Variants in CBFA2T2 observed in about 807,000 individuals in gnomAD.
CBFA2T2 encodes protein CBFA2T2.
A neutral mutation model predicts 62.2 loss-of-function variants in CBFA2T2; 11 were observed. The ratio of observed to expected loss-of-function variants is 0.18; its 90% confidence interval spans 0.11 to 0.29. The LOEUF (loss-of-function observed/expected upper bound fraction) is 0.29. Ranked by LOEUF, CBFA2T2 falls within the 10% of genes least tolerant of loss-of-function variation. CBFA2T2 has a pLI of 1.00. For synonymous variants in CBFA2T2, 295 were observed against 287.5 expected, an observed-to-expected ratio of 1.03 and a Z score of -0.27; for missense variants, 592 against 774.1, an observed-to-expected ratio of 0.76 and a Z score of 2.79.
chr20:33,623,784 A>G, intron 5 of CBFA2T2: 2 of 714,352 alleles, frequency 2.8e-6, no homozygotes, highest in Non-Finnish European at 5.2e-6. Flanking sequence ...TGCATAATAC[A>G]TCTAAAATCT....
intron 1 of CBFA2T2, among the ~76,000 whole-genome samples, chr20:33,543,302 G>A (rs960214264): frequency 6.6e-6 from 1 of 152,098 alleles, no homozygotes; most frequent in African/African-American, 2.4e-5. Flanking sequence ...GAGCCACCGT[G>A]CCCGGCGAAA....
rs758937155 is a variant in CBFA2T2 at position 33,640,471 on chromosome 20, C to G, written c.1428C>G (p.Val476=). 1 of 1,614,248 alleles carries G rather than the reference C, an allele frequency of 6.2e-7. No homozygotes were observed. Among genetic ancestry groups the G allele is most frequent in the South Asian group, 1.1e-5 (1 of 91,086 alleles). The part of the protein sequence containing the change: ...RARMEQTIAD[V]KRQAAEDAFL... ...GAATGGAGCAAACCATAGCGGATGT[C>G]AAGCGGCAGGCCGCAGAGGATGCTT... Residue 476 remains valine, a synonymous_variant, in exon 10 of 11, where the codon GTC becomes GTG. Coordinates refer to ENST00000342704, the MANE Select transcript of CBFA2T2 (RefSeq NM_001032999.3).
At chr20:33,599,708 A>G (rs2015039603) in intron 1 of CBFA2T2, among the ~76,000 whole-genome samples, 1 of 151,582 alleles carries the variant, frequency 6.6e-6, no homozygotes, top group African/African-American at 2.4e-5. Flanking sequence ...TCTGCCAGCC[A>G]TAGCCTCCTG....
In CBFA2T2 at chr20:33,629,773, C is replaced by G; in HGVS notation, c.1087C>G (p.Leu363Val). 6.2e-7 allele frequency: 1 copy of G among 1,614,132 alleles called. No homozygotes were observed. The highest frequency in any genetic ancestry group is 8.5e-7 in the Non-Finnish European group (1 of 1,180,030). Residue 363 changes from leucine to valine, a missense_variant, in exon 8 of 11, where the codon CTG becomes GTG. Leu to Val is a conservative substitution (Grantham distance 32). This residue lies in a region of CBFA2T2 where 449 missense variants were observed against 551.2 expected (regional missense o/e 0.81). Coordinates refer to ENST00000342704, the MANE Select transcript of CBFA2T2 (RefSeq NM_001032999.3). ...GAAAACAAGGCGCTCTATGGCAGTTCTGCGGCGCTGTCAGGAATCAGATCG... is the reference window on the plus strand; with the variant it reads ...GAAAACAAGGCGCTCTATGGCAGTTGTGCGGCGCTGTCAGGAATCAGATCG... ...VEKTRRSMAV[L>V]RRCQESDREE...
chr20:33,643,963 C>T (rs1054896620), intron 10 of CBFA2T2, among the ~76,000 whole-genome samples: 5 of 150,024 alleles, frequency 3.3e-5, no homozygotes, highest in Non-Finnish European at 7.4e-5. Context: ...ATAGATGGCT[C>T]TTGGGGGAGA....
intron 1 of CBFA2T2, among the ~76,000 whole-genome samples, chr20:33,519,999 T>C (rs934179398): frequency 6.6e-6 from 1 of 152,002 alleles, no homozygotes; most frequent in East Asian, 1.9e-4. Context: ...AATAAAAAAT[T>C]AGCCAGGCAT....
chr20:33,588,306 G>T (rs933231715), intron 1 of CBFA2T2, among the ~76,000 whole-genome samples: 2 of 151,570 alleles, frequency 1.3e-5, no homozygotes, highest in African/African-American at 4.8e-5. Context: ...AAGAAAAAGT[G>T]AACATTTTAA....
At chr20:33,608,141 T>G (rs2015403955) in intron 2 of CBFA2T2, among the ~76,000 whole-genome samples, 1 of 152,220 alleles carries the variant, frequency 6.6e-6, no homozygotes, top group Admixed American at 6.5e-5. Context: ...TATATATCTA[T>G]AATCACCAAA....
At chr20:33,630,737 G>T (rs1227399053) in intron 8 of CBFA2T2, among the ~76,000 whole-genome samples, 1 of 152,210 alleles carries the variant, frequency 6.6e-6, no homozygotes, top group Non-Finnish European at 1.5e-5. Context: ...CGCACTCTGA[G>T]TTCCCAAATG....
At chr20:33,560,357 C>T (rs550293378) in intron 1 of CBFA2T2, among the ~76,000 whole-genome samples, 1 of 152,348 alleles carries the variant, frequency 6.6e-6, no homozygotes, top group South Asian at 2.1e-4. Flanking sequence ...GCTGTGAATT[C>T]AGACAACCTG....
At chr20:33,545,627 A>T (rs967385712) in intron 1 of CBFA2T2, among the ~76,000 whole-genome samples, 2 of 152,096 alleles carry the variant, frequency 1.3e-5, no homozygotes, top group Non-Finnish European at 2.9e-5. Context: ...TTTGTATTTC[A>T]CTAGAGATGG....
intron 8 of CBFA2T2, among the ~76,000 whole-genome samples, chr20:33,632,256 C>T (rs2016481313): frequency 1.3e-5 from 2 of 151,996 alleles, no homozygotes; most frequent in Admixed American, 1.3e-4. Context: ...GTTGGCCAGG[C>T]TGGGCTCGAA....
intron 1 of CBFA2T2, among the ~76,000 whole-genome samples, chr20:33,535,919 G>A (rs2012204565): frequency 6.6e-6 from 1 of 152,144 alleles, no homozygotes; most frequent in Non-Finnish European, 1.5e-5. Context: ...AGCACATCTT[G>A]CACCGCCCTT....
In CBFA2T2 at chr20:33,647,274, T is replaced by C. The variant is rs2017084910; in HGVS notation, c.*2628T>C. On this transcript the variant is annotated 3_prime_UTR_variant, in exon 11 of 11. Coordinates refer to ENST00000342704, the MANE Select transcript of CBFA2T2 (RefSeq NM_001032999.3). ...ATTAACACCTTAAGCAGGTTTTTTA[T>C]TGTTATTTTGTTTGTTTGTTTGTTT... The C allele has an allele frequency of 6.6e-6, 1 of 152,218 alleles. No homozygotes were observed. Among genetic ancestry groups the C allele is most frequent in the African/African-American group, 2.4e-5 (1 of 41,442 alleles). 9.4% of individuals were successfully genotyped at this position (152,218 alleles called of 1,614,324 possible). A position where few individuals can be genotyped will look rare whatever the true frequency, so the allele number is the denominator to read the frequency against.
chr20:33,600,189 T>TG (rs2015068104), intron 1 of CBFA2T2: 1 of 132,996 alleles, frequency 7.5e-6, no homozygotes, highest in South Asian at 2.7e-4. Flanking sequence ...AAAGTTTTTT[T>TG]TTTTTTTTTT....
intron 1 of CBFA2T2, among the ~76,000 whole-genome samples, chr20:33,529,440 TCTTTC>T (rs2146868165): frequency 6.6e-6 from 1 of 152,196 alleles, no homozygotes; most frequent in East Asian, 1.9e-4. Flanking sequence ...TTTCCATCCC[TCTTTC>T]CTTTACTTTG....
Position 33,647,591 on chromosome 20 carries a change from G to C in CBFA2T2, c.*2945G>C, listed in dbSNP as rs2017098889. On this transcript the variant is annotated 3_prime_UTR_variant, in exon 11 of 11. Coordinates refer to ENST00000342704, the MANE Select transcript of CBFA2T2 (RefSeq NM_001032999.3). ...GAGCCACTGTGTCCGGTCTTGAGCA[G>C]GTTTTTAAAATCTCCAGTGGCCATA... 1 of 152,196 alleles carries C rather than the reference G, an allele frequency of 6.6e-6. No homozygotes were observed. Among genetic ancestry groups the C allele is most frequent in the Admixed American group, 6.5e-5 (1 of 15,274 alleles). 9.4% of individuals were successfully genotyped at this position (152,196 alleles called of 1,614,324 possible).
At chr20:33,574,129 T>A in intron 1 of CBFA2T2, 1 of 1,593,910 alleles carries the variant, frequency 6.3e-7, no homozygotes, top group Non-Finnish European at 8.6e-7. Context: ...TGGTAGTTTT[T>A]GTGGAGCACA....
At chr20:33,617,750 A>G (rs779348992) in intron 3 of CBFA2T2, among the ~76,000 whole-genome samples, 6 of 152,254 alleles carry the variant, frequency 3.9e-5, no homozygotes, top group South Asian at 2.1e-4. Context: ...TAAAACAGAT[A>G]TAACGTTAAC....
Sources: gnomAD v4.1 joint callset for allele counts (sites outside exome capture counted in the v4.1 genomes callset) on GRCh38, gnomAD v4.1.1 for gene constraint, gnomAD v4.1.1 regional missense constraint, MANE v1.5 for transcripts, NCBI Gene and HGNC (gene_info 2026-07-23, HGNC 2026-07-21) for gene names.